Variants in TRAF5 observed in about 807,000 individuals in gnomAD.
TRAF5 encodes TNF receptor associated factor 5.
Under a neutral mutation model 64.5 loss-of-function variants are expected in TRAF5, and 48 were observed. That is an observed-to-expected ratio of 0.74 (90% CI 0.59 to 0.95). TRAF5 has a LOEUF of 0.95. Ranked by LOEUF, TRAF5 falls within the 40% of genes least tolerant of loss-of-function variation. The pLI is 0.00. For missense variants in TRAF5, 545 were observed against 662.8 expected, an observed-to-expected ratio of 0.82 and a Z score of 1.95; for synonymous variants, 206 against 240.5, an observed-to-expected ratio of 0.86 and a Z score of 1.33.
chr1:211,370,378 A>AACAC (rs67207558), intron 9 of TRAF5, among the ~76,000 whole-genome samples: 418 of 148,074 alleles, frequency 2.8e-3, no homozygotes, highest in Middle Eastern at 0.01. Context: ...TTATACATTA[A>AACAC]ACACACACAC....
At chr1:211,351,269 G>T (rs753842631) in intron 1 of TRAF5, among the ~76,000 whole-genome samples, 2 of 151,650 alleles carry the variant, frequency 1.3e-5, no homozygotes, top group South Asian at 4.2e-4. Flanking sequence ...CTCATGATCC[G>T]CCTGCCTCAG....
In TRAF5 at chr1:211,372,118, T is replaced by C. The variant is rs775022632; in HGVS notation, c.1100-10T>C. The C allele has an allele frequency of 6.7e-7, 1 of 1,495,116 alleles. No homozygotes were observed. Among genetic ancestry groups the C allele is most frequent in the Non-Finnish European group, 8.9e-7 (1 of 1,123,116 alleles). 92.6% of individuals were successfully genotyped at this position (1,495,116 alleles called of 1,614,324 possible). On this transcript the variant is annotated splice_polypyrimidine_tract_variant and intron_variant, in intron 10 of 10. Transcript: ENST00000261464. ...ATGGAATCTTTTTTTTTTTTTTTTC[T>C]TATTTGCAGCCGTTTTAGAAGAGGA...
rs1350377072 is a variant in TRAF5 at position 211,353,251 on chromosome 1, A to C, written c.12A>C (p.Ser4=). 6.2e-7 allele frequency: 1 copy of C among 1,614,108 alleles called. No homozygotes were observed. Among genetic ancestry groups the C allele is most frequent in the Non-Finnish European group, 8.5e-7 (1 of 1,180,034 alleles). Residue 4 remains serine (S), a synonymous_variant, in exon 2 of 11, where the codon TCA becomes TCC. Coordinates refer to ENST00000261464, the MANE Select transcript of TRAF5 (RefSeq NM_001033910.3). Reference sequence around the variant, plus strand: ...CTGACCTCTGCAGAATGGCTTATTCAGAAGAGCATAAAGGTATGCCCTGTG... The same window carrying C: ...CTGACCTCTGCAGAATGGCTTATTCCGAAGAGCATAAAGGTATGCCCTGTG... MAY[S]EEHKGMPCGF...
chr1:211,360,973 G>T (rs1703158936), intron 6 of TRAF5, 115 bp from the exon 7 acceptor site: 1 of 1,110,556 alleles, frequency 9.0e-7, no homozygotes. Flanking sequence ...TTCTTGCCAG[G>T]CCTCTCTCCT....
intron 1 of TRAF5, among the ~76,000 whole-genome samples, chr1:211,337,075 C>T (rs1396830948): frequency 6.6e-6 from 1 of 152,256 alleles, no homozygotes; most frequent in Admixed American, 6.5e-5. Flanking sequence ...CCCAAAGAAA[C>T]AATCCTTGCT....
chr1:211,333,543 G>A lies in TRAF5; in HGVS notation c.-2+6654G>A, dbSNP rs575984459. Among the ~76,000 whole-genome samples, 258 of 151,926 alleles carry A rather than the reference G, an allele frequency of 1.7e-3. 1 individual carries two copies. The highest frequency in any genetic ancestry group is 5.9e-3 in the African/African-American group (245 of 41,436). ...GATAGGGCCTTGCTCTGTCGTTCAG[G>A]CTGGAGTGCAGTGGTGCAATCTCGG... On this transcript the variant is annotated intron_variant, in intron 1 of 10. Transcript: ENST00000261464.
At chr1:211,338,022 A>G (rs539506496) in intron 1 of TRAF5, among the ~76,000 whole-genome samples, 1 of 152,278 alleles carries the variant, frequency 6.6e-6, no homozygotes, top group East Asian at 1.9e-4. Flanking sequence ...CACCCAGAGA[A>G]TGAGTGCAGA....
chr1:211,361,289 A>G (rs530726478), intron 7 of TRAF5, 127 bp downstream of exon 7: 19 of 776,892 alleles, frequency 2.4e-5, no homozygotes, highest in Non-Finnish European at 3.8e-5. Context: ...AAGGCTAATT[A>G]TTTTAGAGTT....
chr1:211,345,804 G>A (rs546293767), intron 1 of TRAF5, among the ~76,000 whole-genome samples: 41 of 152,316 alleles, frequency 2.7e-4, no homozygotes, highest in Non-Finnish European at 2.6e-4. Flanking sequence ...AGTCACTGTT[G>A]AGATGCTGCC....
At chr1:211,339,886 G>A (rs938265624) in intron 1 of TRAF5, among the ~76,000 whole-genome samples, 1 of 152,218 alleles carries the variant, frequency 6.6e-6, no homozygotes, top group Admixed American at 6.5e-5. Flanking sequence ...TGGGTAGTAG[G>A]CAGCTGGCAG....
chr1:211,348,226 A>G (rs1199876989), intron 1 of TRAF5, among the ~76,000 whole-genome samples: 2 of 152,228 alleles, frequency 1.3e-5, no homozygotes, highest in African/African-American at 4.8e-5. Context: ...GAGATGTGCA[A>G]ACATGTAAAA....
intron 1 of TRAF5, among the ~76,000 whole-genome samples, chr1:211,352,215 G>A (rs1010131822): frequency 9.2e-5 from 14 of 152,132 alleles, no homozygotes; most frequent in Middle Eastern, 3.2e-3. Context: ...CAGAAGGCAA[G>A]GAGGAGCAAG....
chr1:211,360,312 A>T (rs1703133229), intron 5 of TRAF5: 1 of 531,612 alleles, frequency 1.9e-6, no homozygotes, highest in Non-Finnish European at 3.4e-6. Flanking sequence ...TGTATGTGTA[A>T]TGAATGCTGG....
intron 1 of TRAF5, among the ~76,000 whole-genome samples, chr1:211,345,780 C>A (rs1219645393): frequency 2.6e-5 from 4 of 152,204 alleles, no homozygotes; most frequent in Non-Finnish European, 5.9e-5. Flanking sequence ...TCATTAGAGC[C>A]ATGGAGGAGC....
intron 1 of TRAF5, among the ~76,000 whole-genome samples, chr1:211,332,604 G>A (rs1457327520): frequency 6.6e-6 from 1 of 152,196 alleles, no homozygotes; most frequent in Non-Finnish European, 1.5e-5. Flanking sequence ...ATGCCTCCCT[G>A]TTAAAGGCAG....
At chr1:211,363,988 G>C (rs1703268435) in intron 7 of TRAF5, among the ~76,000 whole-genome samples, 1 of 151,072 alleles carries the variant, frequency 6.6e-6, no homozygotes, top group South Asian at 2.1e-4. Context: ...CAAATCTCCA[G>C]TTGGTTTGTA....
chr1:211,335,728 C>A (rs1414404503), intron 1 of TRAF5, among the ~76,000 whole-genome samples: 1 of 152,028 alleles, frequency 6.6e-6, no homozygotes, highest in East Asian at 1.9e-4. Flanking sequence ...CCGGAAGAGA[C>A]AACAGCTTGA....
Position 211,356,411 on chromosome 1 carries a change from TG to T in TRAF5, c.322del (p.Val108TyrfsTer46), listed in dbSNP as rs781442195. 7 of 1,614,172 alleles carry T rather than the reference TG, an allele frequency of 4.3e-6. No homozygotes were observed. In the South Asian group the frequency reaches 7.7e-5, roughly 18 times the overall value. The part of the protein sequence containing the change: ...CCKREVLNLY[V>X]YCSNAPGCNA... ...GCAAAAGAGAAGTCCTCAACTTATATGTATATTGCAGCAATGCTCCTGGATG... is the reference window on the plus strand; with the variant it reads ...GCAAAAGAGAAGTCCTCAACTTATATTATATTGCAGCAATGCTCCTGGATG... On this transcript the variant is annotated frameshift_variant, in exon 4 of 11. Coordinates refer to ENST00000261464, the MANE Select transcript of TRAF5 (RefSeq NM_001033910.3). LOFTEE classifies it high-confidence loss of function.
chr1:211,332,054 G>A (rs1702170144), intron 1 of TRAF5, among the ~76,000 whole-genome samples: 1 of 152,152 alleles, frequency 6.6e-6, no homozygotes, highest in Admixed American at 6.5e-5. Flanking sequence ...AGGGAAGCTG[G>A]GCTGGGACAG....
Sources: gnomAD v4.1 joint callset for allele counts (sites outside exome capture counted in the v4.1 genomes callset) on GRCh38, gnomAD v4.1.1 for gene constraint, MANE v1.5 for transcripts, NCBI Gene and HGNC (gene_info 2026-07-23, HGNC 2026-07-21) for gene names.